SLC25A33: variants seen among roughly 807,000 people sequenced by gnomAD.
SLC25A33 encodes solute carrier family 25 member 33.
A neutral mutation model predicts 35.5 loss-of-function variants in SLC25A33; 15 were observed. The ratio of observed to expected loss-of-function variants is 0.42; its 90% CI spans 0.28 to 0.65. SLC25A33 has a LOEUF of 0.65. Among genes scored for constraint, SLC25A33 ranks in the 30% least tolerant of loss-of-function variants. The probability of loss-of-function intolerance (pLI) is 0.20; values close to 1 mark genes in which losing one functional copy is unlikely to be tolerated. For synonymous variants in SLC25A33, 136 were observed against 148.7 expected, an observed-to-expected ratio of 0.91 and a Z score of 0.62; for missense variants, 257 against 398.5, an observed-to-expected ratio of 0.64 and a Z score of 3.02.
chr1:9,558,252 G>A (rs1474772058), intron 2 of SLC25A33, among the ~76,000 whole-genome samples: 1 of 152,226 alleles, frequency 6.6e-6, no homozygotes, highest in African/African-American at 2.4e-5. Flanking sequence ...CGCGAAGGCA[G>A]CAGCAGTTCC....
At chr1:9,549,921 C>CAT (rs56191912) in intron 1 of SLC25A33, among the ~76,000 whole-genome samples, 12,425 of 135,860 alleles carry the variant, frequency 0.091, 764 homozygotes, top group Non-Finnish European at 0.14. Flanking sequence ...CCACGCCCAA[C>CAT]ATATATATAT....
intron 2 of SLC25A33, among the ~76,000 whole-genome samples, chr1:9,564,739 A>AAAATATATATAT (rs60174872): frequency 3.6e-4 from 35 of 96,538 alleles, no homozygotes; most frequent in African/African-American, 1.4e-3. Flanking sequence ...AAAAAAAAAA[A>AAAATATATATAT]ATATATATAT....
At chr1:9,546,372 G>A (rs933467685) in intron 1 of SLC25A33, among the ~76,000 whole-genome samples, 1 of 151,700 alleles carries the variant, frequency 6.6e-6, no homozygotes, top group Non-Finnish European at 1.5e-5. Flanking sequence ...TTTTAGTAGA[G>A]ACGGGGTTTC....
rs926522642 is a variant in SLC25A33 at position 9,578,366 on chromosome 1, C to A, written c.483-1588C>A. On this transcript the variant is annotated intron_variant, in intron 5 of 6. Coordinates refer to ENST00000302692, the MANE Select transcript of SLC25A33 (RefSeq NM_032315.3). This position sits in a 1 kb window ranked among gnomAD's most constrained non-coding sequence, Gnocchi z 4.3. ...AAGCCCAAGGGGCCCCAGGTCTGCG[C>A]CCGCTCGGAGGGGTCTGTGATGTGT... Among the ~76,000 whole-genome samples, 1 of 152,196 alleles carries A rather than the reference C, an allele frequency of 6.6e-6. No homozygotes were observed. The highest frequency in any genetic ancestry group is 2.4e-5 in the African/African-American group (1 of 41,458).
At chr1:9,553,252 A>G (rs1569849859) in intron 1 of SLC25A33, among the ~76,000 whole-genome samples, 2 of 89,884 alleles carry the variant, frequency 2.2e-5, no homozygotes, top group African/African-American at 8.9e-5. Flanking sequence ...TTTGAGACGG[A>G]GTCTTGCTCT....
At chr1:9,553,399 C>CT (rs1442728796) in intron 1 of SLC25A33, among the ~76,000 whole-genome samples, 3 of 150,864 alleles carry the variant, frequency 2.0e-5, no homozygotes, top group Non-Finnish European at 3.0e-5. Flanking sequence ...TAATTTTTTT[C>CT]TTTTTTTGTA....
intron 4 of SLC25A33, among the ~76,000 whole-genome samples, chr1:9,571,557 G>A (rs1018344470): frequency 4.6e-5 from 7 of 152,066 alleles, no homozygotes; most frequent in African/African-American, 9.7e-5. Flanking sequence ...GATTACAGGC[G>A]TGAGCCACCC....
chr1:9,546,473 C>T (rs1289801796), intron 1 of SLC25A33, among the ~76,000 whole-genome samples: 4 of 152,088 alleles, frequency 2.6e-5, no homozygotes, highest in Non-Finnish European at 5.9e-5. Context: ...CGTGAGCCAC[C>T]GCACCCGGCC....
chr1:9,540,184 A>G (rs1246330898), intron 1 of SLC25A33, among the ~76,000 whole-genome samples: 1 of 152,094 alleles, frequency 6.6e-6, no homozygotes, highest in Non-Finnish European at 1.5e-5. Flanking sequence ...GAGGTTCCTC[A>G]GGGCAGCGCG....
At chr1:9,547,930 C>G (rs559292814) in intron 1 of SLC25A33, among the ~76,000 whole-genome samples, 1 of 151,990 alleles carries the variant, frequency 6.6e-6, no homozygotes, top group Non-Finnish European at 1.5e-5. Flanking sequence ...CTGCTCACTG[C>G]AGCCTTGACC....
In SLC25A33 at chr1:9,584,303, G is replaced by T. The variant is rs914948723; in HGVS notation, c.*1802G>T. On this transcript the variant is annotated 3_prime_UTR_variant, in exon 7 of 7. Coordinates refer to ENST00000302692, the MANE Select transcript of SLC25A33 (RefSeq NM_032315.3). Reference sequence around the variant, plus strand: ...TTTAACTGGGGTTCTTGACTCTAGTGTAATTGCTCCAACAACTACGTAGAA... The same window carrying T: ...TTTAACTGGGGTTCTTGACTCTAGTTTAATTGCTCCAACAACTACGTAGAA... 7 of 152,212 alleles carry T rather than the reference G, an allele frequency of 4.6e-5. No individual in the cohort carries two copies. The highest frequency in any genetic ancestry group is 1.7e-4 in the African/African-American group (7 of 41,450). 9.4% of individuals were successfully genotyped at this position (152,212 alleles called of 1,614,324 possible).
At chr1:9,562,301 T>TG (rs1643434239) in intron 2 of SLC25A33, among the ~76,000 whole-genome samples, 1 of 142,854 alleles carries the variant, frequency 7.0e-6, no homozygotes, top group South Asian at 2.2e-4. Flanking sequence ...TGAGCCGAGA[T>TG]GCAGCCACTG....
In SLC25A33 at chr1:9,583,376, A is replaced by G. The variant is rs931954227; in HGVS notation, c.*875A>G. ...TATATATAACTTTCTGAGACTCAAT[A>G]TTTTAAGCTATAAAAAACTTCCTGA... On this transcript the variant is annotated 3_prime_UTR_variant, in exon 7 of 7. Transcript: ENST00000302692. 3 of 152,188 alleles carry G rather than the reference A, an allele frequency of 2.0e-5. No homozygotes were observed. Among genetic ancestry groups the G allele is most frequent in the African/African-American group, 7.2e-5 (3 of 41,448 alleles). 9.4% of individuals were successfully genotyped at this position (152,188 alleles called of 1,614,324 possible).
At chr1:9,565,860 A>C (rs1423339882) in intron 2 of SLC25A33, among the ~76,000 whole-genome samples, 2 of 151,254 alleles carry the variant, frequency 1.3e-5, no homozygotes, top group Non-Finnish European at 3.0e-5. Flanking sequence ...CCTGGGTGAC[A>C]GAGTGAGACT....
At chr1:9,555,921 G>A (rs537276275) in intron 2 of SLC25A33, among the ~76,000 whole-genome samples, 1 of 152,320 alleles carries the variant, frequency 6.6e-6, no homozygotes, top group East Asian at 1.9e-4. Flanking sequence ...CTGACCTCAG[G>A]AGATCTGCCT....
intron 1 of SLC25A33, among the ~76,000 whole-genome samples, 171 bp from the exon 2 acceptor site, chr1:9,553,455 G>T (rs1051750234): frequency 2.6e-5 from 4 of 151,658 alleles, no homozygotes; most frequent in Admixed American, 6.6e-5. Context: ...GGATGGTCTC[G>T]ATCTGCTGAC....
chr1:9,579,907 A>G (rs2100414982), intron 5 of SLC25A33, 47 bp from the exon 6 acceptor site: 4 of 1,578,258 alleles, frequency 2.5e-6, no homozygotes, highest in Non-Finnish European at 3.4e-6. Context: ...TCTGTGTTCC[A>G]CCATGATATG....
chr1:9,567,503 C>G (rs1400296163), intron 3 of SLC25A33, 142 bp downstream of exon 3: 3 of 656,020 alleles, frequency 4.6e-6, no homozygotes, highest in Non-Finnish European at 7.7e-6. Flanking sequence ...AGCAAATAGT[C>G]ATTGAGAATG....
At chr1:9,574,063 T>G (rs1176862445) in intron 5 of SLC25A33, among the ~76,000 whole-genome samples, 1 of 152,108 alleles carries the variant, frequency 6.6e-6, no homozygotes, top group Non-Finnish European at 1.5e-5. Context: ...CAATCTTGGC[T>G]CACTGCAATC....
Sources: allele counts gnomAD v4.1 joint callset (sites outside exome capture counted in the v4.1 genomes callset), GRCh38; gene constraint gnomAD v4.1.1; non-coding constraint Gnocchi (gnomAD v3.1); transcripts MANE v1.5; gene names NCBI Gene and HGNC (gene_info 2026-07-23, HGNC 2026-07-21).